Variants in RALGAPA1 observed in about 807,000 individuals in gnomAD.
The protein encoded by RALGAPA1 is Ral GTPase activating protein catalytic subunit alpha 1.
RALGAPA1 carries 52 observed loss-of-function variants against 269.6 expected under a neutral mutation model. The ratio of observed to expected loss-of-function variants is 0.19; its 90% confidence interval spans 0.15 to 0.24. The LOEUF is 0.24. Among genes scored for constraint, RALGAPA1 ranks in the 10% least tolerant of loss-of-function variants. The pLI is 1.00. For synonymous variants in RALGAPA1, 817 were observed against 1,008.3 expected (o/e 0.81, Z 3.60); for missense variants, 1,917 against 3,013.9 (o/e 0.64, Z 8.52).
rs558914691 is a variant in RALGAPA1, at chr14:35,776,386, A to G, written c.107-641T>C. On this transcript the variant is annotated intron_variant, in intron 1 of 41. Transcript: ENST00000680220. ...GACAGAGTGAGACTCCACCTTGGGG[A>G]AAAAAAAAAAAAAGAAGAATTTATA... is the stretch of plus-strand genomic sequence containing the variant. Among the ~76,000 whole-genome samples the G allele has an allele frequency of 7.3e-3, 739 of 101,798 alleles. 4 individuals carry two copies. Among genetic ancestry groups the G allele is most frequent in the African/African-American group, 0.014 (412 of 29,758 alleles). 66.8% of individuals were successfully genotyped at this position (101,798 alleles called of 152,430 possible).
chr14:35,683,124 C>T (rs2140368399), intron 21 of RALGAPA1, among the ~76,000 whole-genome samples: 1 of 152,308 alleles, frequency 6.6e-6, no homozygotes, highest in Non-Finnish European at 1.5e-5. Flanking sequence ...GCCGGAACCA[C>T]AGTGAGGTTG....
chr14:35,676,687 T>C (rs1422135739), intron 22 of RALGAPA1: 1 of 152,184 alleles, frequency 6.6e-6, no homozygotes, highest in Non-Finnish European at 1.5e-5. Flanking sequence ...TTAGGACATA[T>C]CCACTGACAT....
At chr14:35,569,205 G>C (rs1348252011) in intron 39 of RALGAPA1, among the ~76,000 whole-genome samples, 1 of 152,070 alleles carries the variant, frequency 6.6e-6, no homozygotes, top group African/African-American at 2.4e-5. Flanking sequence ...ACCAAGTTAA[G>C]ATAATAAATC....
chr14:35,717,951 C>T (rs941511595), intron 16 of RALGAPA1, among the ~76,000 whole-genome samples: 1 of 152,162 alleles, frequency 6.6e-6, no homozygotes. Context: ...CCTCCTCAAA[C>T]ACTCAAAAGC....
intron 37 of RALGAPA1, among the ~76,000 whole-genome samples, chr14:35,594,128 A>C (rs1051636264): frequency 6.6e-5 from 10 of 152,206 alleles, no homozygotes; most frequent in Admixed American, 1.3e-4. Context: ...ACAAAAATCA[A>C]CTTAAAATGG....
intron 39 of RALGAPA1, among the ~76,000 whole-genome samples, chr14:35,561,820 G>A (rs1042209247): frequency 2.0e-5 from 3 of 151,956 alleles, no homozygotes; most frequent in East Asian, 1.9e-4. Context: ...TACAGCCACC[G>A]CGGCTGGCTG....
At chr14:35,582,199 G>T (rs937833342) in intron 37 of RALGAPA1, among the ~76,000 whole-genome samples, 12 of 152,286 alleles carry the variant, frequency 7.9e-5, no homozygotes, top group African/African-American at 2.9e-4. Context: ...TGGATTAGAG[G>T]TTACCAGGGG....
intron 1 of RALGAPA1, among the ~76,000 whole-genome samples, chr14:35,789,368 T>A (rs1207474734): frequency 1.3e-5 from 2 of 151,310 alleles, no homozygotes; most frequent in Non-Finnish European, 3.0e-5. Flanking sequence ...CCGAGGTGGG[T>A]GGATCACTTG....
intron 4 of RALGAPA1, chr14:35,766,299 T>C (rs1474742918): frequency 2.1e-6 from 2 of 933,482 alleles, no homozygotes; most frequent in African/African-American, 3.3e-5. Flanking sequence ...CCCTACGGAT[T>C]CTACCACAGC....
At chr14:35,550,003 C>T (rs2054834229) in intron 39 of RALGAPA1, among the ~76,000 whole-genome samples, 1 of 152,216 alleles carries the variant, frequency 6.6e-6, no homozygotes. Flanking sequence ...ACCACATTTT[C>T]TTCTCTGATA....
At chr14:35,791,584 G>A (rs1389408079) in intron 1 of RALGAPA1, among the ~76,000 whole-genome samples, 4 of 151,110 alleles carry the variant, frequency 2.6e-5, no homozygotes, top group Non-Finnish European at 5.9e-5. Flanking sequence ...CCTAGCCTGG[G>A]AGACAAGAGC....
At chr14:35,569,718 G>T (rs1016005421) in intron 39 of RALGAPA1, among the ~76,000 whole-genome samples, 8 of 152,046 alleles carry the variant, frequency 5.3e-5, no homozygotes, top group Admixed American at 5.2e-4. Flanking sequence ...TTCAAAATTG[G>T]TTCAATCCTC....
intron 18 of RALGAPA1, among the ~76,000 whole-genome samples, chr14:35,687,983 T>C (rs546428328): frequency 2.0e-5 from 3 of 152,194 alleles, no homozygotes; most frequent in Admixed American, 6.5e-5. Context: ...TCTATTATGT[T>C]AGTTGTCAAA....
intron 19 of RALGAPA1, 47 bp downstream of exon 19, chr14:35,686,493 AGT>A (rs1460431389): frequency 6.6e-7 from 1 of 1,505,948 alleles, no homozygotes; most frequent in South Asian, 1.3e-5. Flanking sequence ...TATATCTGTT[AGT>A]TTTTCTACCC....
chr14:35,560,389 C>G (rs2056095566), intron 39 of RALGAPA1, among the ~76,000 whole-genome samples: 1 of 152,172 alleles, frequency 6.6e-6, no homozygotes, highest in Non-Finnish European at 1.5e-5. Flanking sequence ...ATGTCCACTT[C>G]TTACCCTTAA....
chr14:35,540,276 A>C (rs1052383955), intron 41 of RALGAPA1, among the ~76,000 whole-genome samples: 16 of 152,216 alleles, frequency 1.1e-4, no homozygotes, highest in African/African-American at 3.6e-4. Flanking sequence ...TTTGTGGATG[A>C]GGGGAGGACA....
chr14:35,642,083 A>G (rs2062068423), intron 31 of RALGAPA1, among the ~76,000 whole-genome samples: 1 of 152,234 alleles, frequency 6.6e-6, no homozygotes, highest in Non-Finnish European at 1.5e-5. Context: ...CCTGCCATAT[A>G]TAAAAATCAA....
At chr14:35,770,223 C>T (rs956572176) in intron 4 of RALGAPA1, among the ~76,000 whole-genome samples, 16 of 152,094 alleles carry the variant, frequency 1.1e-4, no homozygotes, top group Admixed American at 2.6e-4. Flanking sequence ...AACTACAATG[C>T]ACATTTATGA....
chr14:35,637,962 C>T (rs1012341141), intron 31 of RALGAPA1, among the ~76,000 whole-genome samples: 1 of 152,112 alleles, frequency 6.6e-6, no homozygotes, highest in African/African-American at 2.4e-5. Flanking sequence ...AATAATATAT[C>T]CAGTGAAAAT....
Sources: allele counts gnomAD v4.1 joint callset (sites outside exome capture counted in the v4.1 genomes callset), GRCh38; gene constraint gnomAD v4.1.1; transcripts MANE v1.5; gene names NCBI Gene and HGNC (gene_info 2026-07-23, HGNC 2026-07-21).